PBRM1: variants seen among roughly 807,000 people sequenced by gnomAD.
PBRM1 encodes polybromo 1.
PBRM1 carries 27 observed loss-of-function variants against 194.5 expected under a neutral mutation model. That is an observed-to-expected ratio of 0.14 (90% CI 0.10 to 0.19). The LOEUF (loss-of-function observed/expected upper bound fraction) is 0.19. PBRM1 is among the 10% of genes least tolerant of loss of function. The pLI is 1.00. For missense variants in PBRM1, 1,466 were observed against 2,077.2 expected (o/e 0.71, Z 5.72); for synonymous variants, 655 against 693.2 (o/e 0.94, Z 0.87).
intron 18 of PBRM1, among the ~76,000 whole-genome samples, chr3:52,588,338 G>A (rs982932957): frequency 2.0e-5 from 3 of 152,076 alleles, no homozygotes; most frequent in Non-Finnish European, 2.9e-5. Context: ...AAGCCTTTTT[G>A]AAAACAAATG....
At chr3:52,616,228 C>T (rs1448496103) in intron 14 of PBRM1, among the ~76,000 whole-genome samples, 1 of 152,172 alleles carries the variant, frequency 6.6e-6, no homozygotes, top group African/African-American at 2.4e-5. Context: ...TATCTATAAG[C>T]ATCCTCAATG....
intron 25 of PBRM1, among the ~76,000 whole-genome samples, chr3:52,559,307 C>G (rs980672501): frequency 1.3e-5 from 2 of 152,210 alleles, no homozygotes; most frequent in African/African-American, 4.8e-5. Context: ...CTGAGCTACT[C>G]TGCATCTCCA....
chr3:52,546,849 C>T (rs1212449021), downstream of PBRM1: 3 of 233,062 alleles, frequency 1.3e-5, no homozygotes, highest in Non-Finnish European at 2.5e-5. Context: ...TTCCCTTCTC[C>T]TGTAATTCAA....
At chr3:52,664,875 A>T (rs2096799978) in intron 3 of PBRM1, among the ~76,000 whole-genome samples, 1 of 152,210 alleles carries the variant, frequency 6.6e-6, no homozygotes, top group Non-Finnish European at 1.5e-5. Flanking sequence ...AAATGCAAAG[A>T]CATGGCTAAA....
chr3:52,598,767 TCCTAG>T (rs996088922), intron 17 of PBRM1, among the ~76,000 whole-genome samples: 1 of 152,150 alleles, frequency 6.6e-6, no homozygotes, highest in African/African-American at 2.4e-5. Flanking sequence ...ACGCCTGTAA[TCCTAG>T]CACTTTGGGA....
intron 8 of PBRM1, among the ~76,000 whole-genome samples, chr3:52,644,302 T>C (rs189646179): frequency 6.6e-6 from 1 of 152,298 alleles, no homozygotes. Flanking sequence ...AGTATCACCT[T>C]GAAATGCAAC....
chr3:52,652,916 T>C (rs2096534602), intron 5 of PBRM1, among the ~76,000 whole-genome samples: 1 of 152,014 alleles, frequency 6.6e-6, no homozygotes, highest in South Asian at 2.1e-4. Context: ...GGCAATCACT[T>C]GAGCGCAGGA....
intron 9 of PBRM1, among the ~76,000 whole-genome samples, chr3:52,642,547 C>G (rs1297215271): frequency 2.9e-5 from 4 of 138,992 alleles, no homozygotes; most frequent in Non-Finnish European, 6.1e-5. Flanking sequence ...ATCCAGGAGG[C>G]AGAGGTTGCA....
At chr3:52,553,644 C>T (rs995825944) in intron 27 of PBRM1, among the ~76,000 whole-genome samples, 1 of 150,266 alleles carries the variant, frequency 6.7e-6, no homozygotes, top group East Asian at 2.0e-4. Flanking sequence ...CACATGCCAC[C>T]ACACCTGGCT....
intron 4 of PBRM1, 104 bp from the exon 6 acceptor site, chr3:52,658,419 T>G: frequency 1.7e-6 from 1 of 591,094 alleles, no homozygotes. Flanking sequence ...CAACTTTTTT[T>G]TTTTTTTTTG....
At chr3:52,580,597 C>T (rs1025956721) in intron 20 of PBRM1, among the ~76,000 whole-genome samples, 1 of 152,070 alleles carries the variant, frequency 6.6e-6, no homozygotes, top group Non-Finnish European at 1.5e-5. Flanking sequence ...CTCCTGACTT[C>T]GTGATCCACC....
intron 13 of PBRM1, among the ~76,000 whole-genome samples, chr3:52,618,682 C>T (rs181325797): frequency 6.6e-6 from 1 of 151,094 alleles, no homozygotes; most frequent in East Asian, 1.9e-4. Flanking sequence ...GCAACCTCTG[C>T]CTCCTGGGTT....
At chr3:52,661,633 A>G (rs2096727114) in intron 4 of PBRM1, among the ~76,000 whole-genome samples, 3 of 152,194 alleles carry the variant, frequency 2.0e-5, no homozygotes, top group African/African-American at 7.2e-5. Context: ...TTAGAACAAT[A>G]AAAAAGAGCC....
At chr3:52,683,202 C>CA (rs1156543134), upstream of PBRM1, among the ~76,000 whole-genome samples, 43 of 122,920 alleles carry the variant, frequency 3.5e-4, no homozygotes, top group East Asian at 1.5e-3. Context: ...GACTCTGTCT[C>CA]AAAAAAATAA....
chr3:52,606,663 C>T (rs2094363840), intron 16 of PBRM1, among the ~76,000 whole-genome samples: 1 of 152,126 alleles, frequency 6.6e-6, no homozygotes, highest in African/African-American at 2.4e-5. Flanking sequence ...GGAAAAAGAA[C>T]TCTAAATTCC....
intron 7 of PBRM1, among the ~76,000 whole-genome samples, chr3:52,648,023 C>T (rs1216933746): frequency 6.6e-6 from 1 of 152,052 alleles, no homozygotes; most frequent in Admixed American, 6.6e-5. Context: ...ACTCTCCTAC[C>T]TCAGCCTCCC....
intron 11 of PBRM1, among the ~76,000 whole-genome samples, chr3:52,629,421 A>G (rs1222102943): frequency 6.6e-6 from 1 of 152,198 alleles, no homozygotes; most frequent in Non-Finnish European, 1.5e-5. Flanking sequence ...AGTGACCTCA[A>G]TGAACAATCA....
intron 17 of PBRM1, among the ~76,000 whole-genome samples, chr3:52,598,205 AAC>A (rs2093714386): frequency 6.6e-6 from 1 of 152,366 alleles, no homozygotes; most frequent in African/African-American, 2.4e-5. Flanking sequence ...TATAATACAA[AAC>A]AGTTATCATT....
intron 22 of PBRM1, among the ~76,000 whole-genome samples, chr3:52,570,624 G>C (rs530756021): frequency 6.6e-6 from 1 of 151,880 alleles, no homozygotes; most frequent in African/African-American, 2.4e-5. Flanking sequence ...CAAAAGACAG[G>C]GAAAAGATGA....
Sources: gnomAD v4.1 joint callset for allele counts (sites outside exome capture counted in the v4.1 genomes callset) on GRCh38, gnomAD v4.1.1 for gene constraint, MANE v1.5 for transcripts, NCBI Gene and HGNC (gene_info 2026-07-23, HGNC 2026-07-21) for gene names.